The following RHBDD1 variants were observed in gnomAD, a reference collection of about 807,000 sequenced individuals.
RHBDD1 encodes rhomboid-related protein 4.
In RHBDD1, 38 loss-of-function variants were observed where a neutral mutation model predicts 36.3. The ratio of observed to expected loss-of-function variants is 1.05; its 90% confidence interval spans 0.81 to 1.37. The LOEUF is 1.37. Among genes scored for constraint, RHBDD1 ranks in the 40% most tolerant of loss-of-function variants. The probability of loss-of-function intolerance (pLI) is 0.00; values close to 1 mark genes in which losing one functional copy is unlikely to be tolerated. For synonymous variants in RHBDD1, 151 were observed against 136.5 expected (o/e 1.11, Z -0.74); for missense variants, 393 against 377.6 (o/e 1.04, Z -0.34).
chr2:226,893,572 G>T (rs541229630), intron 5 of RHBDD1, among the ~76,000 whole-genome samples: 1 of 152,302 alleles, frequency 6.6e-6, no homozygotes. Context: ...ATAGTCACAT[G>T]AGAAGTACTT....
chr2:226,933,289 A>T (rs1349098458), intron 8 of RHBDD1, among the ~76,000 whole-genome samples: 2 of 152,028 alleles, frequency 1.3e-5, no homozygotes, highest in African/African-American at 4.8e-5. Flanking sequence ...TATCTAGGGG[A>T]GAAGGATCTG....
At chr2:226,892,558 T>C (rs1312183546) in intron 5 of RHBDD1, among the ~76,000 whole-genome samples, 1 of 152,244 alleles carries the variant, frequency 6.6e-6, no homozygotes, top group Non-Finnish European at 1.5e-5. Context: ...AGTTCATGTT[T>C]CCTTGCATGC....
At chr2:226,815,975 C>A in the RHBDD1 span, among the ~76,000 whole-genome samples, 1 of 152,092 alleles carries the variant, frequency 6.6e-6, no homozygotes, top group African/African-American at 2.4e-5. Flanking sequence ...TTATGAATTG[C>A]CCCCTGCTCT....
At chr2:226,882,390 A>G (rs1945821241) in intron 5 of RHBDD1, among the ~76,000 whole-genome samples, 3 of 140,540 alleles carry the variant, frequency 2.1e-5, no homozygotes, top group Admixed American at 1.5e-4. Context: ...AGATCATGCC[A>G]TTGCACTCCA....
chr2:226,827,406 T>C, the RHBDD1 span, among the ~76,000 whole-genome samples: 5 of 152,356 alleles, frequency 3.3e-5, no homozygotes, highest in Middle Eastern at 6.8e-3. Context: ...ACCAAGAATA[T>C]TGCACATGAT....
At chr2:226,811,092 G>A in the RHBDD1 span, 1 of 152,080 alleles carries the variant, frequency 6.6e-6, no homozygotes, top group African/African-American at 2.4e-5. Context: ...TGATAACTGA[G>A]ACTATTTAAA....
the RHBDD1 span, among the ~76,000 whole-genome samples, chr2:226,805,586 C>T: frequency 6.6e-6 from 1 of 152,226 alleles, no homozygotes; most frequent in African/African-American, 2.4e-5. Context: ...GCAGACTTTA[C>T]AACACCTTTT....
rs140293300 is a variant in RHBDD1, at chr2:226,982,340, C to T, written c.857-13091C>T. Among the ~76,000 whole-genome samples, 51 of 152,266 alleles carry T rather than the reference C, an allele frequency of 3.3e-4. 1 individual carries two copies. In the East Asian group the frequency reaches 9.1e-3, roughly 27 times the overall value. On this transcript the variant is annotated intron_variant, in intron 8 of 8. Transcript: ENST00000392062. ...TTTGGACCACTGTGTTCTCCTAGGC[C>T]GCAGATAATCTCAGGGACAATATCC...
At chr2:226,830,856 G>C (rs1011074190), upstream of RHBDD1, among the ~76,000 whole-genome samples, 1 of 152,110 alleles carries the variant, frequency 6.6e-6, no homozygotes. Flanking sequence ...TTGTTGTATA[G>C]ATAGGATCTC....
intron 6 of RHBDD1, among the ~76,000 whole-genome samples, chr2:226,907,234 T>C (rs1054799144): frequency 6.6e-6 from 1 of 152,178 alleles, no homozygotes. Flanking sequence ...CATGAATTAA[T>C]ATACGTGCAA....
chr2:226,990,314 G>A (rs1559360377), intron 8 of RHBDD1, among the ~76,000 whole-genome samples: 1 of 152,204 alleles, frequency 6.6e-6, no homozygotes, highest in African/African-American at 2.4e-5. Context: ...TTGAAAGAGA[G>A]AACATGGGTC....
chr2:226,911,129 G>C (rs1022022252), intron 7 of RHBDD1, among the ~76,000 whole-genome samples: 45 of 152,138 alleles, frequency 3.0e-4, no homozygotes, highest in African/African-American at 1.0e-3. Flanking sequence ...ATCATCGCAT[G>C]TGTATCTGGC....
At chr2:226,810,936 C>T in the RHBDD1 span, 1 of 152,190 alleles carries the variant, frequency 6.6e-6, no homozygotes, top group African/African-American at 2.4e-5. Context: ...GCAGAGGACT[C>T]ATCCCACCTT....
At chr2:226,967,236 G>C (rs1952707144) in intron 8 of RHBDD1, among the ~76,000 whole-genome samples, 1 of 152,154 alleles carries the variant, frequency 6.6e-6, no homozygotes. Context: ...CTCCATACTT[G>C]ATGAAAATCT....
the RHBDD1 span, among the ~76,000 whole-genome samples, chr2:226,803,860 C>A: frequency 1.3e-5 from 2 of 152,156 alleles, no homozygotes; most frequent in Non-Finnish European, 2.9e-5. Context: ...TAGATCAGGG[C>A]TTCTCAAACC....
intron 8 of RHBDD1, among the ~76,000 whole-genome samples, chr2:226,917,114 TAA>T (rs1213874653): frequency 1.3e-5 from 2 of 152,200 alleles, no homozygotes; most frequent in Admixed American, 6.5e-5. Flanking sequence ...TAAGTTAATA[TAA>T]GTCATTAATA....
chr2:226,899,183 T>C (rs1947379090), intron 5 of RHBDD1, among the ~76,000 whole-genome samples: 1 of 152,202 alleles, frequency 6.6e-6, no homozygotes, highest in Non-Finnish European at 1.5e-5. Context: ...AATAGCCTCT[T>C]AAATGGATGA....
chr2:226,879,146 C>T lies in RHBDD1; in HGVS notation c.566+11828C>T, dbSNP rs527360877. 2.0e-3 allele frequency among the ~76,000 whole-genome samples: 299 copies of T among 151,360 alleles called. 1 individual carries two copies. Among genetic ancestry groups the T allele is most frequent in the African/African-American group, 7.0e-3 (287 of 41,194 alleles). ...AAAGGGTAAGTATTATTTCAAGGAC[C>T]TTTGATTTCAGCTATGTTTGTATAT... On this transcript the variant is annotated intron_variant, in intron 5 of 8. Coordinates refer to ENST00000392062, the MANE Select transcript of RHBDD1 (RefSeq NM_001167608.3).
At chr2:226,913,569 G>A (rs1297619222) in intron 7 of RHBDD1, among the ~76,000 whole-genome samples, 2 of 152,098 alleles carry the variant, frequency 1.3e-5, no homozygotes, top group Non-Finnish European at 2.9e-5. Flanking sequence ...GGTACCTAAA[G>A]CATTATTTAA....
Sources: gnomAD v4.1 joint callset for allele counts (sites outside exome capture counted in the v4.1 genomes callset) on GRCh38, gnomAD v4.1.1 for gene constraint, MANE v1.5 for transcripts, NCBI Gene and HGNC (gene_info 2026-07-23, HGNC 2026-07-21) for gene names.